RUNX1: variants seen among roughly 807,000 people sequenced by gnomAD.
RUNX1 encodes the protein runt-related transcription factor 1.
Under a neutral mutation model 42.8 loss-of-function variants are expected in RUNX1, and 19 were observed. The observed-to-expected ratio is 0.44, with a 90% confidence interval of 0.31 to 0.65. RUNX1 has a LOEUF of 0.65. Ranked by LOEUF, RUNX1 falls within the 30% of genes least tolerant of loss-of-function variation. The pLI, the probability that RUNX1 is intolerant of heterozygous loss-of-function variation, is 0.07. For missense variants in RUNX1, 528 were observed against 672.0 expected, an observed-to-expected ratio of 0.79 and a Z score of 2.37; for synonymous variants, 271 against 289.4, an observed-to-expected ratio of 0.94 and a Z score of 0.64.
intron 2 of RUNX1, among the ~76,000 whole-genome samples, chr21:34,895,061 C>A (rs141332336): frequency 6.6e-6 from 1 of 152,110 alleles, no homozygotes; most frequent in African/African-American, 2.4e-5. Flanking sequence ...TTATCCCCCC[C>A]GTCTCAGGGT....
At chr21:34,864,463 GT>G (rs1233740979) in intron 5 of RUNX1, among the ~76,000 whole-genome samples, 4 of 152,242 alleles carry the variant, frequency 2.6e-5, no homozygotes, top group Non-Finnish European at 5.9e-5. Flanking sequence ...GAGGGCCGGT[GT>G]TTCTGTTGGC....
chr21:34,961,979 A>G (rs2058685174), intron 2 of RUNX1, among the ~76,000 whole-genome samples: 1 of 152,102 alleles, frequency 6.6e-6, no homozygotes, highest in Non-Finnish European at 1.5e-5. Flanking sequence ...TGTAGCCTCA[A>G]TCTCCTGGGC....
intron 6 of RUNX1, among the ~76,000 whole-genome samples, chr21:34,849,155 G>A (rs2057357912): frequency 1.4e-5 from 2 of 143,164 alleles, no homozygotes; most frequent in Non-Finnish European, 1.5e-5. Flanking sequence ...CCAATGTACT[G>A]CCTTTAAATA....
At chr21:35,009,212 T>C (rs1190778011) in intron 2 of RUNX1, among the ~76,000 whole-genome samples, 2 of 152,250 alleles carry the variant, frequency 1.3e-5, no homozygotes, top group Non-Finnish European at 2.9e-5. Context: ...AAAACAACTG[T>C]TAGCATTTGA....
chr21:34,866,195 G>A (rs762792004), intron 5 of RUNX1, among the ~76,000 whole-genome samples: 2 of 152,194 alleles, frequency 1.3e-5, no homozygotes, highest in Non-Finnish European at 2.9e-5. Context: ...TGCCCTGGGG[G>A]CTCAGAGTCC....
At chr21:34,933,058 A>T (rs1250021361) in intron 2 of RUNX1, among the ~76,000 whole-genome samples, 1 of 152,234 alleles carries the variant, frequency 6.6e-6, no homozygotes, top group African/African-American at 2.4e-5. Context: ...AGTTTGCACA[A>T]AAATTGTGGG....
chr21:34,897,895 T>G (rs2058143385), intron 2 of RUNX1, among the ~76,000 whole-genome samples: 1 of 152,266 alleles, frequency 6.6e-6, no homozygotes, highest in Admixed American at 6.5e-5. Flanking sequence ...GCATATGTAA[T>G]TAAGGTTACT....
chr21:34,827,362 A>G (rs1182173478), intron 7 of RUNX1, among the ~76,000 whole-genome samples: 1 of 152,230 alleles, frequency 6.6e-6, no homozygotes, highest in Non-Finnish European at 1.5e-5. Context: ...TTTGCAATTA[A>G]AAGAGAAGCA....
chr21:34,977,594 T>C (rs539653247), intron 2 of RUNX1, among the ~76,000 whole-genome samples: 1 of 152,258 alleles, frequency 6.6e-6, no homozygotes, highest in South Asian at 2.1e-4. Flanking sequence ...AAACATACTT[T>C]AAACTGTCAT....
intron 5 of RUNX1, among the ~76,000 whole-genome samples, chr21:34,874,225 T>C (rs1397174969): frequency 6.6e-6 from 1 of 151,632 alleles, no homozygotes; most frequent in Non-Finnish European, 1.5e-5. Flanking sequence ...GCATACACTC[T>C]CCCCATATTG....
At chr21:35,030,698 G>A (rs770758408) in intron 2 of RUNX1, among the ~76,000 whole-genome samples, 6 of 152,010 alleles carry the variant, frequency 3.9e-5, no homozygotes, top group Non-Finnish European at 8.8e-5. Flanking sequence ...CAAAGCATAC[G>A]CAACAAAAGC....
chr21:35,001,456 C>A (rs2059043120), intron 2 of RUNX1, among the ~76,000 whole-genome samples: 1 of 151,712 alleles, frequency 6.6e-6, no homozygotes, highest in Non-Finnish European at 1.5e-5. Flanking sequence ...TTTTTAATTG[C>A]CCAAATAAAG....
chr21:34,946,178 C>T lies in RUNX1; in HGVS notation c.59-53215G>A, dbSNP rs909398615. Reference sequence around the variant, plus strand: ...TCCCTCATGCCAGTCTCTTTCCACTCTGTTCCGTGCCTCACACGTTTTGCA... The same window carrying T: ...TCCCTCATGCCAGTCTCTTTCCACTTTGTTCCGTGCCTCACACGTTTTGCA... On this transcript the variant is annotated intron_variant, in intron 2 of 8. Coordinates refer to ENST00000675419, the MANE Select transcript of RUNX1 (RefSeq NM_001754.5). 2.6e-5 allele frequency among the ~76,000 whole-genome samples: 4 copies of T among 152,230 alleles called. 1 individual carries two copies. The South Asian group carries it at 6.2e-4, about 24-fold the overall frequency.
intron 7 of RUNX1, among the ~76,000 whole-genome samples, chr21:34,806,875 A>G (rs1234924944): frequency 6.6e-6 from 1 of 152,222 alleles, no homozygotes; most frequent in Admixed American, 6.5e-5. Flanking sequence ...ATTAGACATG[A>G]GTCAAATAAA....
chr21:34,947,579 CT>C (rs1212084347), intron 2 of RUNX1, among the ~76,000 whole-genome samples: 3 of 152,252 alleles, frequency 2.0e-5, no homozygotes, highest in African/African-American at 4.8e-5. Flanking sequence ...ATTTTTTCCC[CT>C]GATGTGTTCA....
rs1190494326 is a variant in RUNX1 at position 35,049,297 on chromosome 21, A to G, written c.-189T>C. The G allele has an allele frequency of 4.7e-6, 1 of 214,888 alleles. No homozygotes were observed. The highest frequency in any genetic ancestry group is 2.3e-5 in the African/African-American group (1 of 43,074). 13.3% of individuals were successfully genotyped at this position (214,888 alleles called of 1,614,324 possible). A position where few individuals can be genotyped will look rare whatever the true frequency, so the allele number is the denominator to read the frequency against. On this transcript the variant is annotated 5_prime_UTR_variant, in exon 1 of 9. Coordinates refer to ENST00000675419, the MANE Select transcript of RUNX1 (RefSeq NM_001754.5). ...TTCTGTGGTTGTTTATGAGGCCCAA[A>G]GAAGTTTTCACACAACCCAAATTAC...
rs2058052462 is a variant in RUNX1 at position 34,889,597 on chromosome 21, T to TCCCCTC, written c.98-2507_98-2502dup. On this transcript the variant is annotated intron_variant, in intron 3 of 8. Coordinates refer to ENST00000675419, the MANE Select transcript of RUNX1 (RefSeq NM_001754.5). ...GGACAGCCTGCCCGGGCCCCGCGTC[T>TCCCCTC]CCCCTCCGGCTCCCCGGAAGCGGCC... 2.0e-5 allele frequency: 19 copies of TCCCCTC among 952,854 alleles called. No individual in the cohort carries two copies. The South Asian group carries it at 5.1e-4, about 25-fold the overall frequency. 59.0% of individuals were successfully genotyped at this position (952,854 alleles called of 1,614,324 possible).
intron 5 of RUNX1, among the ~76,000 whole-genome samples, chr21:34,878,232 GACACTT>G (rs2057843382): frequency 6.7e-6 from 1 of 149,744 alleles, no homozygotes; most frequent in Admixed American, 6.6e-5. Flanking sequence ...CTTTGGTGTT[GACACTT>G]ACACTTGAAA....
In RUNX1 at chr21:34,803,563, TAATA is replaced by T. The variant is rs1175263677; in HGVS notation, c.806-4105_806-4102del. Among the ~76,000 whole-genome samples the T allele has an allele frequency of 2.0e-5, 3 of 150,450 alleles. No homozygotes were observed. In the East Asian group the frequency reaches 5.8e-4, roughly 29 times the overall value. On this transcript the variant is annotated intron_variant, in intron 7 of 8. Transcript: ENST00000675419. ...CTCCGTCTCAGAAAAAAAAAAATAATAATAAATAAAAAACACTGGATTCAAAAAT... is the reference window on the plus strand; with the variant it reads ...CTCCGTCTCAGAAAAAAAAAAATAATAATAAAAAACACTGGATTCAAAAAT...
Sources: gnomAD v4.1 joint callset for allele counts (sites outside exome capture counted in the v4.1 genomes callset) on GRCh38, gnomAD v4.1.1 for gene constraint, MANE v1.5 for transcripts, NCBI Gene and HGNC (gene_info 2026-07-23, HGNC 2026-07-21) for gene names.